Variants in MAP7D2 observed in about 807,000 individuals in gnomAD.
MAP7D2 encodes the protein MAP7 domain-containing protein 2.
A neutral mutation model predicts 63.5 loss-of-function variants in MAP7D2; 33 were observed. That is an observed-to-expected ratio of 0.52 (90% confidence interval 0.39 to 0.70). MAP7D2 has a LOEUF of 0.70. MAP7D2 is among the 30% of genes least tolerant of loss of function. MAP7D2 has a pLI of 0.00. For synonymous variants in MAP7D2, 224 were observed against 223.7 expected (o/e 1.00, Z -0.01); for missense variants, 626 against 604.0 (o/e 1.04, Z -0.38).
intron 1 of MAP7D2, among the ~76,000 whole-genome samples, chrX:20,103,077 G>C (rs888834708): frequency 6.3e-5 from 7 of 111,359 alleles, no homozygotes; most frequent in Admixed American, 2.9e-4. Flanking sequence ...CTCAGCAAAG[G>C]CATCCAATGC....
At chrX:20,061,833 G>A (rs1013981263) in intron 3 of MAP7D2, among the ~76,000 whole-genome samples, 1 of 112,548 alleles carries the variant, frequency 8.9e-6, no homozygotes, top group Non-Finnish European at 1.9e-5. Flanking sequence ...AGTGTCTTAT[G>A]TGACTTCACA....
intron 1 of MAP7D2, among the ~76,000 whole-genome samples, chrX:20,097,890 T>C (rs1423358647): frequency 9.0e-6 from 1 of 111,283 alleles, no homozygotes; most frequent in South Asian, 3.8e-4. Context: ...TCTATAGCCT[T>C]ATGGTCCATT....
At chrX:20,084,788 C>T (rs4370706) in intron 1 of MAP7D2, among the ~76,000 whole-genome samples, 18,987 of 109,952 alleles carry the variant, frequency 0.17, 1,281 homozygotes, top group Non-Finnish European at 0.18. Flanking sequence ...AGGCTGGTCT[C>T]GAACTCCTGA....
intron 3 of MAP7D2, among the ~76,000 whole-genome samples, chrX:20,061,337 C>T (rs1383086084): frequency 9.0e-6 from 1 of 111,011 alleles, no homozygotes. Context: ...GCCTCTGTGC[C>T]AGCAGAGCAC....
At chrX:20,054,463 T>C (rs2065023111) in intron 4 of MAP7D2, among the ~76,000 whole-genome samples, 1 of 111,960 alleles carries the variant, frequency 8.9e-6, no homozygotes, top group African/African-American at 3.2e-5. Flanking sequence ...TTTATCTTTA[T>C]TACTGAGATT....
intron 1 of MAP7D2, among the ~76,000 whole-genome samples, chrX:20,089,026 G>A (rs1391756000): frequency 9.0e-6 from 1 of 111,365 alleles, no homozygotes; most frequent in Non-Finnish European, 1.9e-5. Context: ...CAAGTGATTT[G>A]CCCGCCTTGG....
At chrX:20,116,487 A>G in intron 1 of MAP7D2, 2 of 770,850 alleles carry the variant, frequency 2.6e-6, no homozygotes, top group Non-Finnish European at 3.2e-6. Flanking sequence ...TCCCAAACAC[A>G]CCTGCCGCCC....
At chrX:20,033,569 G>A (rs1322618989) in intron 8 of MAP7D2, among the ~76,000 whole-genome samples, 1 of 112,497 alleles carries the variant, frequency 8.9e-6, no homozygotes, top group Non-Finnish European at 1.9e-5. Flanking sequence ...AAAGAGCAAT[G>A]CTATTAACAT....
At chrX:20,049,719 G>A (rs1178357936) in intron 6 of MAP7D2, 6 of 216,965 alleles carry the variant, frequency 2.8e-5, no homozygotes, top group South Asian at 1.1e-4. Flanking sequence ...TTGCTGGGTC[G>A]TATGGGAACT....
chrX:20,100,162 G>C (rs962191192), intron 1 of MAP7D2, among the ~76,000 whole-genome samples: 1 of 112,141 alleles, frequency 8.9e-6, no homozygotes, highest in Admixed American at 9.5e-5. Context: ...GTGGTGCTTA[G>C]TTTGGCTAAG....
At chrX:20,010,481 T>A (rs868333966) in intron 16 of MAP7D2, among the ~76,000 whole-genome samples, 1 of 110,536 alleles carries the variant, frequency 9.0e-6, no homozygotes, top group Admixed American at 9.5e-5. Context: ...CCTTGCCCCC[T>A]AAAAAAGCTA....
At chrX:20,027,395 C>A (rs1346300805) in intron 8 of MAP7D2, among the ~76,000 whole-genome samples, 2 of 111,779 alleles carry the variant, frequency 1.8e-5, no homozygotes, top group Non-Finnish European at 3.8e-5. Context: ...CAAATAAAAG[C>A]CATGCAGAGA....
chrX:20,052,912 T>C lies in MAP7D2; in HGVS notation c.561A>G (p.Ser187=). ...GGGAATAGGATATTGCCACGGTGGATGAAGACAGGCGTTTATTCATGGGAG... is the reference window on the plus strand; with the variant it reads ...GGGAATAGGATATTGCCACGGTGGACGAAGACAGGCGTTTATTCATGGGAG... ...TEPPMNKRLS[S]STVAISYSPD... Residue 187 remains serine (S), a synonymous_variant, in exon 5 of 17, where the codon TCA becomes TCG. Transcript: ENST00000379643. The C allele has an allele frequency of 8.3e-7, 1 of 1,211,301 alleles. No homozygotes were observed. Among genetic ancestry groups the C allele is most frequent in the Non-Finnish European group, 1.1e-6 (1 of 894,677 alleles).
In MAP7D2 at chrX:20,010,919, G is replaced by C; in HGVS notation, c.2206C>G (p.Pro736Ala). The change falls in exon 16 of 17, where the codon CCC (proline) becomes GCC (alanine). Residue 736 changes from proline to alanine, a missense_variant. By Grantham distance (27) the Pro-to-Ala change is conservative (BLOSUM62 -1). Coordinates refer to ENST00000379643, the MANE Select transcript of MAP7D2 (RefSeq NM_001168465.2). ...CTGGATCTCTTGGGGAATGTCGGGG[G>C]ACCAGTGAAATCTAAGAGATCTTGA... ...ALQDLLDFTGPPTFPKRSSEN... is the reference protein window; with the variant it reads ...ALQDLLDFTGAPTFPKRSSEN... The C allele has an allele frequency of 3.3e-6, 4 of 1,211,202 alleles. No individual in the cohort carries two copies. The highest frequency in any genetic ancestry group is 4.5e-6 in the Non-Finnish European group (4 of 895,384).
chrX:20,086,029 GT>G (rs1424413927), intron 1 of MAP7D2, among the ~76,000 whole-genome samples: 1 of 112,516 alleles, frequency 8.9e-6, no homozygotes, highest in Non-Finnish European at 1.9e-5. Context: ...TTTTTTCTAA[GT>G]GATCATTCAA....
chrX:20,056,354 C>CTT (rs2065068931), intron 4 of MAP7D2, among the ~76,000 whole-genome samples: 1 of 111,514 alleles, frequency 9.0e-6, no homozygotes, highest in Non-Finnish European at 1.9e-5. Context: ...GTTTCCCTCC[C>CTT]CTGAAGTCAG....
rs1435760140 is a variant in MAP7D2, at chrX:20,016,129, G to T, written c.1609C>A (p.Gln537Lys). 3.3e-6 allele frequency: 4 copies of T among 1,207,838 alleles called. No homozygotes were observed. The highest frequency in any genetic ancestry group is 4.5e-6 in the Non-Finnish European group (4 of 893,285). Residue 537 changes from glutamine (Q) to lysine (K), a missense_variant, in exon 11 of 17, where the codon CAA (glutamine) becomes AAA (lysine). Gln to Lys is a moderately conservative substitution (Grantham distance 53). Coordinates refer to ENST00000379643, the MANE Select transcript of MAP7D2 (RefSeq NM_001168465.2). ...EELLLKEKQEQEKQEKAMIEK... is the reference protein window; with the variant it reads ...EELLLKEKQEKEKQEKAMIEK... Reference sequence around the variant, plus strand: ...ATCATGGCTTTCTCTTGTTTTTCTTGTTCTTGCTTTTCTTTCAACAACAGC... The same window carrying T: ...ATCATGGCTTTCTCTTGTTTTTCTTTTTCTTGCTTTTCTTTCAACAACAGC...
rs199859882 is a variant in MAP7D2 at position 20,025,114 on chromosome X, A to C, written c.1280-31T>G. Reference sequence around the variant, plus strand: ...CCAGAGGAGAGGCATCAAGAGGAAAAGATCAAGGGAAACGAATATAATGAT... The same window carrying C: ...CCAGAGGAGAGGCATCAAGAGGAAACGATCAAGGGAAACGAATATAATGAT... On this transcript the variant is annotated intron_variant, in intron 9 of 16. Coordinates refer to ENST00000379643, the MANE Select transcript of MAP7D2 (RefSeq NM_001168465.2). 139 of 1,174,642 alleles carry C rather than the reference A, an allele frequency of 1.2e-4. No individual in the cohort carries two copies. The African/African-American group carries it at 1.7e-3, about 14-fold the overall frequency.
rs926120435 is a variant in MAP7D2, at chrX:20,051,058, T to A, written c.596-112A>T. 10 of 623,359 alleles carry A rather than the reference T, an allele frequency of 1.6e-5. No homozygotes were observed. The Admixed American group carries it at 2.4e-4, about 15-fold the overall frequency. 51.4% of individuals were successfully genotyped at this position (623,359 alleles called of 1,213,427 possible). On this transcript the variant is annotated intron_variant, in intron 5 of 16. Coordinates refer to ENST00000379643, the MANE Select transcript of MAP7D2 (RefSeq NM_001168465.2). ...AAATTAACTTTTGGGTGGCAGAACATGGAAAATAAAAATATTTGAACAAAG... is the reference window on the plus strand; with the variant it reads ...AAATTAACTTTTGGGTGGCAGAACAAGGAAAATAAAAATATTTGAACAAAG...
Sources: gnomAD v4.1 joint callset for allele counts (sites outside exome capture counted in the v4.1 genomes callset) on GRCh38, gnomAD v4.1.1 for gene constraint, MANE v1.5 for transcripts, NCBI Gene and HGNC (gene_info 2026-07-23, HGNC 2026-07-21) for gene names.